The following UGT1A8 variants were observed in gnomAD, a reference collection of about 807,000 sequenced individuals.
UGT1A8 encodes the protein UDP glucuronosyltransferase family 1 member A8.
Under a neutral mutation model 45.3 loss-of-function variants are expected in UGT1A8, and 39 were observed. The observed-to-expected ratio is 0.86, with a 90% CI of 0.67 to 1.12. The LOEUF (loss-of-function observed/expected upper bound fraction) is 1.12, where lower values mean the gene tolerates loss of function less well. Among genes scored for constraint, UGT1A8 ranks in the 50% most tolerant of loss-of-function variants. The pLI, the probability that UGT1A8 is intolerant of heterozygous loss-of-function variation, is 0.00. For missense variants in UGT1A8, 719 were observed against 664.9 expected (o/e 1.08, Z -0.90); for synonymous variants, 275 against 249.2 (o/e 1.10, Z -0.97).
chr2:233,650,073 C>T (rs28969991), intron 1 of UGT1A8, among the ~76,000 whole-genome samples: 1,858 of 152,134 alleles, frequency 0.012, 51 homozygotes, highest in African/African-American at 0.042. Context: ...TGGGTTCAAG[C>T]GATTCACCTG....
At chr2:233,669,559 G>T (rs753279182) in intron 1 of UGT1A8, among the ~76,000 whole-genome samples, 27 of 151,962 alleles carry the variant, frequency 1.8e-4, no homozygotes, top group Non-Finnish European at 2.9e-4. Flanking sequence ...ATGCTATTTA[G>T]GTGCTGTTTT....
intron 1 of UGT1A8, among the ~76,000 whole-genome samples, chr2:233,738,417 G>A (rs1690784004): frequency 6.6e-6 from 1 of 152,216 alleles, no homozygotes; most frequent in Non-Finnish European, 1.5e-5. Context: ...ACAGGCAGAG[G>A]CTGGAACAGT....
chr2:233,743,661 G>T, intron 1 of UGT1A8: 1 of 1,367,236 alleles, frequency 7.3e-7, no homozygotes, highest in Non-Finnish European at 9.8e-7. Flanking sequence ...TACTCGAAGG[G>T]GTCCTCGAAG....
chr2:233,644,351 T>C (rs921353052), intron 1 of UGT1A8, among the ~76,000 whole-genome samples: 19 of 152,128 alleles, frequency 1.2e-4, no homozygotes, highest in African/African-American at 4.1e-4. Context: ...GTGGATCACT[T>C]GAGGCCAGGA....
chr2:233,618,571 C>T lies in UGT1A8; in HGVS notation c.855+9C>T, dbSNP rs1190087132. 5 of 1,610,778 alleles carry T rather than the reference C, an allele frequency of 3.1e-6. No homozygotes were observed. Among genetic ancestry groups the T allele is most frequent in the Middle Eastern group, 1.6e-4 (1 of 6,072 alleles). ...GAAAGCCATTGCCTATGGTAAGTCA[C>T]CTCTCCTTTAGCACATTAGGAATAA... On this transcript the variant is annotated intron_variant, in intron 1 of 4. Coordinates refer to ENST00000373450, the MANE Select transcript of UGT1A8 (RefSeq NM_019076.5).
chr2:233,638,489 T>C (rs1392554836), intron 1 of UGT1A8, among the ~76,000 whole-genome samples: 1 of 152,206 alleles, frequency 6.6e-6, no homozygotes, highest in Non-Finnish European at 1.5e-5. Flanking sequence ...TCTTTTGCTT[T>C]GCTGGAGCAT....
chr2:233,765,493 A>G (rs1698849482), intron 1 of UGT1A8, among the ~76,000 whole-genome samples: 1 of 152,138 alleles, frequency 6.6e-6, no homozygotes, highest in African/African-American at 2.4e-5. Context: ...ATCCTCCACA[A>G]ACTAACACAG....
At chr2:233,759,816 G>A (rs540177588) in intron 1 of UGT1A8, among the ~76,000 whole-genome samples, 1 of 152,166 alleles carries the variant, frequency 6.6e-6, no homozygotes, top group Non-Finnish European at 1.5e-5. Flanking sequence ...AGGCAGTACC[G>A]GGGGAGCTGT....
chr2:233,743,232 T>C, intron 1 of UGT1A8: 1 of 418,014 alleles, frequency 2.4e-6, no homozygotes, highest in Non-Finnish European at 4.7e-6. Context: ...CTATTTATTA[T>C]GAAGGACTTT....
chr2:233,742,455 G>T (rs1191068486), intron 1 of UGT1A8, among the ~76,000 whole-genome samples: 6 of 151,916 alleles, frequency 3.9e-5, no homozygotes, highest in African/African-American at 1.5e-4. Context: ...GGTGTTCCTT[G>T]CCCTTATTCC....
At chr2:233,629,731 G>A (rs2073152901) in intron 1 of UGT1A8, among the ~76,000 whole-genome samples, 4 of 152,086 alleles carry the variant, frequency 2.6e-5, no homozygotes, top group Admixed American at 2.6e-4. Context: ...GGATTCATCA[G>A]TGTTGTCATC....
chr2:233,755,285 A>G (rs1468695441), intron 1 of UGT1A8: 11 of 681,694 alleles, frequency 1.6e-5, no homozygotes, highest in Non-Finnish European at 2.3e-6. Context: ...ACTGCCAAAG[A>G]GCCTGCGGGG....
At chr2:233,717,364 C>T (rs888449503) in intron 1 of UGT1A8, among the ~76,000 whole-genome samples, 1 of 152,218 alleles carries the variant, frequency 6.6e-6, no homozygotes. Flanking sequence ...GGGGAGTTCT[C>T]AAGCCCTTAC....
At chr2:233,628,772 T>C (rs2125453073) in intron 1 of UGT1A8, among the ~76,000 whole-genome samples, 1 of 152,250 alleles carries the variant, frequency 6.6e-6, no homozygotes, top group South Asian at 2.1e-4. Context: ...TTCATTAGTT[T>C]AAGATACTTC....
At chr2:233,735,775 C>G (rs2363116) in intron 1 of UGT1A8, among the ~76,000 whole-genome samples, 81,728 of 152,006 alleles carry the variant, frequency 0.54, 23,611 homozygotes, top group African/African-American at 0.76. Context: ...ATGAAGCTTA[C>G]TTTGGCTGCA....
rs1178018823 is a variant in UGT1A8, at chr2:233,724,688, G to A, written c.856-42346G>A. 1.4e-5 allele frequency among the ~76,000 whole-genome samples: 2 copies of A among 144,826 alleles called. 1 individual carries two copies. Among genetic ancestry groups the A allele is most frequent in the Non-Finnish European group, 3.0e-5 (2 of 66,424 alleles). On this transcript the variant is annotated intron_variant, in intron 1 of 4. Transcript: ENST00000373450. ...TCACTTCCTAGATGGGATGGCGGCC[G>A]GGTGAAGACGCTCCTCGCTTTCCAG...
At chr2:233,764,567 G>A (rs1310538826) in intron 1 of UGT1A8, among the ~76,000 whole-genome samples, 3 of 152,182 alleles carry the variant, frequency 2.0e-5, no homozygotes, top group Admixed American at 6.5e-5. Context: ...GCCTGGAGGA[G>A]AACTTAGACT....
chr2:233,695,150 A>G (rs1323101502), intron 1 of UGT1A8, among the ~76,000 whole-genome samples: 1 of 73,630 alleles, frequency 1.4e-5, no homozygotes, highest in African/African-American at 5.6e-5. Flanking sequence ...TTTTTGAGAC[A>G]GAGTCTCACT....
chr2:233,695,308 T>C (rs1203314854), intron 1 of UGT1A8, among the ~76,000 whole-genome samples: 1 of 151,942 alleles, frequency 6.6e-6, no homozygotes, highest in Non-Finnish European at 1.5e-5. Context: ...GCATTTTTAG[T>C]AGAGGCGGGG....
Sources: gnomAD v4.1 joint callset for allele counts (sites outside exome capture counted in the v4.1 genomes callset) on GRCh38, gnomAD v4.1.1 for gene constraint, MANE v1.5 for transcripts, NCBI Gene and HGNC (gene_info 2026-07-23, HGNC 2026-07-21) for gene names.